Variants in NIN observed in about 807,000 individuals in gnomAD.
The protein encoded by NIN is glycogen synthase kinase 3 beta-interacting protein.
A neutral mutation model predicts 257.6 loss-of-function variants in NIN; 137 were observed. That is an observed-to-expected ratio of 0.53 (90% CI 0.46 to 0.61). The LOEUF is 0.61. Ranked by LOEUF, NIN falls within the 20% of genes least tolerant of loss-of-function variation. The pLI is 0.00. For missense variants in NIN, 2,439 were observed against 2,501.2 expected, an observed-to-expected ratio of 0.98 and a Z score of 0.53; for synonymous variants, 918 against 919.8, an observed-to-expected ratio of 1.00 and a Z score of 0.04.
intron 21 of NIN, among the ~76,000 whole-genome samples, chr14:50,750,012 G>T (rs1198997168): frequency 6.6e-6 from 1 of 152,012 alleles, no homozygotes; most frequent in Non-Finnish European, 1.5e-5. Context: ...TGTAGTCTAT[G>T]TTTATTTCAT....
chr14:50,799,804 T>A (rs2044004737), intron 4 of NIN, among the ~76,000 whole-genome samples: 1 of 152,092 alleles, frequency 6.6e-6, no homozygotes, highest in Non-Finnish European at 1.5e-5. Flanking sequence ...CGAAACCCTG[T>A]TTCTACTAAA....
At chr14:50,827,002 A>G (rs2045485631) in intron 2 of NIN, among the ~76,000 whole-genome samples, 2 of 152,204 alleles carry the variant, frequency 1.3e-5, no homozygotes, top group South Asian at 4.1e-4. Context: ...ATGAACACCG[A>G]CAAACCCCAC....
intron 30 of NIN, 177 bp downstream of exon 30, chr14:50,725,776 C>A (rs1444327910): frequency 1.8e-6 from 2 of 1,093,238 alleles, no homozygotes; most frequent in South Asian, 3.3e-5. Flanking sequence ...ATACAGAGTT[C>A]GTATTTTTTG....
intron 16 of NIN, 78 bp from the exon 17 acceptor site, chr14:50,760,437 CTTTTTTTT>C (rs35995624): frequency 9.5e-4 from 406 of 425,262 alleles, no homozygotes; most frequent in Middle Eastern, 2.1e-3. Context: ...GCAGCAATTG[CTTTTTTTT>C]TTTTTTTTTT....
intron 5 of NIN, among the ~76,000 whole-genome samples, chr14:50,790,037 G>A (rs1176230422): frequency 6.6e-6 from 1 of 152,158 alleles, no homozygotes; most frequent in African/African-American, 2.4e-5. Context: ...CAGGAACATC[G>A]AAAATGTCTT....
intron 30 of NIN, 53 bp downstream of exon 30, chr14:50,725,900 G>C: frequency 6.2e-7 from 1 of 1,613,828 alleles, no homozygotes; most frequent in Admixed American, 1.7e-5. Flanking sequence ...TGTAAAACTG[G>C]AGTTAAAGCT....
chr14:50,772,975 G>T lies in NIN; in HGVS notation c.787C>A (p.Gln263Lys), dbSNP rs771761977. ...LTPSASTPYR[Q>K]LKRHLSMQSF... is the part of the protein sequence containing the mutation. ...TGCATGGAAAGGTGCCTTTTTAGTTGTCTATATGGAGTAGATGCTGATGGT... is the reference window on the plus strand; with the variant it reads ...TGCATGGAAAGGTGCCTTTTTAGTTTTCTATATGGAGTAGATGCTGATGGT... The change falls in exon 8 of 31, where the codon CAA (glutamine) becomes AAA (lysine). Residue 263 changes from glutamine to lysine, a missense_variant. Transcript: ENST00000530997. The T allele has an allele frequency of 2.2e-5, 36 of 1,612,242 alleles. No homozygotes were observed. The highest frequency in any genetic ancestry group is 3.0e-5 in the Non-Finnish European group (35 of 1,179,374).
In NIN at chr14:50,758,514, C is replaced by T. The variant is rs764095375; in HGVS notation, c.2516G>A (p.Arg839His). The change falls in exon 18 of 31, where the codon CGC (arginine) becomes CAC (histidine). Residue 839 changes from arginine to histidine, a missense_variant. By Grantham distance (29) the Arg-to-His change is conservative (BLOSUM62 0). Coordinates refer to ENST00000530997, the MANE Select transcript of NIN (RefSeq NM_020921.4). The part of the protein sequence containing the change: ...CESALQSLEG[R>H]YRQELKDLQE... ...GAGGTCCTTCAGCTCTTGGCGGTAG[C>T]GCCCCTCCAGGCTTTGCAGAGCGCT... The T allele has an allele frequency of 4.3e-5, 70 of 1,614,086 alleles. No homozygotes were observed. Among genetic ancestry groups the T allele is most frequent in the Admixed American group, 1.0e-4 (6 of 60,006 alleles).
chr14:50,787,758 T>G (rs1385587787), intron 5 of NIN, among the ~76,000 whole-genome samples: 5 of 152,222 alleles, frequency 3.3e-5, no homozygotes, highest in Non-Finnish European at 7.3e-5. Context: ...ACCTGTCACT[T>G]ATGAATTAGC....
chr14:50,825,898 T>G (rs1453453781), intron 2 of NIN, among the ~76,000 whole-genome samples: 1 of 152,232 alleles, frequency 6.6e-6, no homozygotes, highest in East Asian at 1.9e-4. Flanking sequence ...AATTATAGCC[T>G]ACAAGGCACC....
intron 5 of NIN, among the ~76,000 whole-genome samples, chr14:50,789,887 C>A (rs1292220461): frequency 2.0e-5 from 3 of 152,150 alleles, no homozygotes; most frequent in Non-Finnish European, 4.4e-5. Flanking sequence ...TGCTGTCTTG[C>A]CATAACAGTA....
intron 26 of NIN, among the ~76,000 whole-genome samples, chr14:50,738,594 C>T (rs2041118732): frequency 6.6e-6 from 1 of 152,158 alleles, no homozygotes; most frequent in African/African-American, 2.4e-5. Flanking sequence ...ACAGTGGTCC[C>T]AGGCCCTTTT....
chr14:50,823,154 TGG>T (rs1491468170), intron 2 of NIN: 44,146 of 449,852 alleles, frequency 0.098, 1,005 homozygotes, highest in Admixed American at 0.14. Flanking sequence ...ATGAAATCTG[TGG>T]TTTTTTTTTT....
intron 14 of NIN, among the ~76,000 whole-genome samples, chr14:50,764,171 T>G (rs1490898510): frequency 1.3e-5 from 2 of 152,214 alleles, no homozygotes; most frequent in Non-Finnish European, 2.9e-5. Flanking sequence ...AGCTCAATAA[T>G]AAGACAATTT....
intron 7 of NIN, among the ~76,000 whole-genome samples, chr14:50,776,600 G>A (rs1008499987): frequency 1.4e-4 from 21 of 152,156 alleles, no homozygotes; most frequent in South Asian, 4.1e-4. Context: ...TGAAATCCTT[G>A]CTTAATTCTG....
At chr14:50,745,418 C>G (rs1310923429) in intron 22 of NIN, among the ~76,000 whole-genome samples, 3 of 152,178 alleles carry the variant, frequency 2.0e-5, no homozygotes, top group African/African-American at 7.2e-5. Flanking sequence ...CTTCTTAACC[C>G]TTTTCCATAG....
chr14:50,725,767 T>A, intron 30 of NIN, 186 bp downstream of exon 30: 1 of 1,035,102 alleles, frequency 9.7e-7, no homozygotes, highest in African/African-American at 1.6e-5. Context: ...TTGGAAAAAA[T>A]ACAGAGTTCG....
chr14:50,819,926 A>T (rs2045119286), intron 3 of NIN, among the ~76,000 whole-genome samples: 1 of 152,228 alleles, frequency 6.6e-6, no homozygotes, highest in East Asian at 1.9e-4. Context: ...TAACACTTGG[A>T]TGGCTCCAGT....
At chr14:50,767,925 C>T (rs980163608) in intron 12 of NIN, among the ~76,000 whole-genome samples, 9 of 151,482 alleles carry the variant, frequency 5.9e-5, no homozygotes, top group African/African-American at 2.2e-4. Context: ...AAAAACTGTA[C>T]ATATGAATTG....
Sources: allele counts gnomAD v4.1 joint callset (sites outside exome capture counted in the v4.1 genomes callset), GRCh38; gene constraint gnomAD v4.1.1; transcripts MANE v1.5; gene names NCBI Gene and HGNC (gene_info 2026-07-23, HGNC 2026-07-21).